Variants in PRPSAP2 observed in about 807,000 individuals in gnomAD.
PRPSAP2 encodes the protein phosphoribosyl pyrophosphate synthase-associated protein 2.
In PRPSAP2, 24 loss-of-function variants were observed where a neutral mutation model predicts 40.6. The ratio of observed to expected loss-of-function variants is 0.59; its 90% CI spans 0.43 to 0.83. PRPSAP2 has a LOEUF of 0.83. Ranked by LOEUF, PRPSAP2 falls within the 40% of genes least tolerant of loss-of-function variation. The pLI, the probability that PRPSAP2 is intolerant of heterozygous loss-of-function variation, is 0.00. For missense variants in PRPSAP2, 292 were observed against 465.6 expected (o/e 0.63, Z 3.43); for synonymous variants, 149 against 164.7 (o/e 0.90, Z 0.73).
Position 18,869,865 on chromosome 17 carries a change from T to A in PRPSAP2, c.172+2531T>A, listed in dbSNP as rs183618554. ...TTTTGTGTGTGTGTGTGTGTGTGTGTGAGACAGAGTCTTGCTCCATTGCCC... is the reference window on the plus strand; with the variant it reads ...TTTTGTGTGTGTGTGTGTGTGTGTGAGAGACAGAGTCTTGCTCCATTGCCC... On this transcript the variant is annotated intron_variant, in intron 4 of 11. Coordinates refer to ENST00000268835, the MANE Select transcript of PRPSAP2 (RefSeq NM_002767.4). Among the ~76,000 whole-genome samples the A allele has an allele frequency of 2.9e-4, 43 of 147,752 alleles. 1 individual carries two copies. The highest frequency in any genetic ancestry group is 3.3e-4 in the Non-Finnish European group (22 of 67,112).
At chr17:18,929,146 C>A (rs965720058) in intron 11 of PRPSAP2, among the ~76,000 whole-genome samples, 189 bp downstream of exon 11, 1 of 152,092 alleles carries the variant, frequency 6.6e-6, no homozygotes, top group Non-Finnish European at 1.5e-5. Flanking sequence ...TACCTGAGGT[C>A]AGGAGTTGGA....
intron 9 of PRPSAP2, chr17:18,917,605 T>TTTTTTTTTTTTTTTTTTTTA (rs2041441127): frequency 8.7e-6 from 1 of 115,180 alleles, no homozygotes; most frequent in Non-Finnish European, 1.8e-5. Context: ...TTTTTTTTTT[T>TTTTTTTTTTTTTTTTTTTTA]TTTTTTTTTT....
At chr17:18,881,299 G>A (rs891407944) in intron 6 of PRPSAP2, among the ~76,000 whole-genome samples, 1 of 150,884 alleles carries the variant, frequency 6.6e-6, no homozygotes, top group Non-Finnish European at 1.5e-5. Context: ...GAAGTGGTGC[G>A]ATCTCGGCTC....
intron 8 of PRPSAP2, among the ~76,000 whole-genome samples, chr17:18,903,330 T>TGAAC (rs2040396256): frequency 6.6e-6 from 1 of 151,488 alleles, no homozygotes; most frequent in Admixed American, 6.6e-5. Context: ...AATGAATGAA[T>TGAAC]GAACGTGTGT....
upstream of PRPSAP2, among the ~76,000 whole-genome samples, chr17:18,856,938 G>A (rs1371708238): frequency 6.6e-6 from 1 of 152,106 alleles, no homozygotes; most frequent in Non-Finnish European, 1.5e-5. Context: ...ATACAATAAA[G>A]AGTAAACATT....
chr17:18,918,189 G>A (rs1164781523), intron 9 of PRPSAP2, among the ~76,000 whole-genome samples: 1 of 152,166 alleles, frequency 6.6e-6, no homozygotes, highest in Non-Finnish European at 1.5e-5. Context: ...ATCTGGGCAG[G>A]GGTTAAATCT....
intron 8 of PRPSAP2, among the ~76,000 whole-genome samples, chr17:18,903,222 G>GTTCAAGAACAGCCTGGGC (rs2040388180): frequency 8.6e-5 from 13 of 151,878 alleles, no homozygotes; most frequent in African/African-American, 2.9e-4. Context: ...GAGGTCAGGA[G>GTTCAAGAACAGCCTGGGC]AATTGCTTGA....
rs2042222232 is a variant in PRPSAP2, at chr17:18,930,896, A to C, written c.*198A>C. 1 of 405,450 alleles carries C rather than the reference A, an allele frequency of 2.5e-6. No homozygotes were observed. Among genetic ancestry groups the C allele is most frequent in the Admixed American group, 4.2e-5 (1 of 23,798 alleles). 25.1% of individuals were successfully genotyped at this position (405,450 alleles called of 1,614,324 possible). A position where few individuals can be genotyped will look rare whatever the true frequency, so the allele number is the denominator to read the frequency against. On this transcript the variant is annotated 3_prime_UTR_variant, in exon 12 of 12. Coordinates refer to ENST00000268835, the MANE Select transcript of PRPSAP2 (RefSeq NM_002767.4). ...GAGTTTGGGGAGCAATTTTTATAAA[A>C]GAAAAACTTTATTCTCCTCTTTTGA...
chr17:18,895,911 G>C (rs948251630), intron 8 of PRPSAP2, among the ~76,000 whole-genome samples: 7 of 152,000 alleles, frequency 4.6e-5, no homozygotes, highest in South Asian at 2.1e-4. Flanking sequence ...ACAGGTGTGA[G>C]CCACCATGCC....
At chr17:18,900,928 T>A (rs1413028531) in intron 8 of PRPSAP2, among the ~76,000 whole-genome samples, 1 of 152,108 alleles carries the variant, frequency 6.6e-6, no homozygotes, top group Non-Finnish European at 1.5e-5. Flanking sequence ...CACTCTCCAC[T>A]GACTCTGGCA....
At chr17:18,866,023 AG>A in intron 3 of PRPSAP2, 71 bp downstream of exon 3, 1 of 1,126,000 alleles carries the variant, frequency 8.9e-7, no homozygotes, top group Non-Finnish European at 1.2e-6. Flanking sequence ...TCAGATTAGC[AG>A]TTATTGTTAA....
intron 4 of PRPSAP2, among the ~76,000 whole-genome samples, chr17:18,870,424 A>G (rs2037774741): frequency 6.6e-6 from 1 of 152,166 alleles, no homozygotes; most frequent in Non-Finnish European, 1.5e-5. Flanking sequence ...TGTAAGTTGC[A>G]GACAGTTAAT....
At chr17:18,886,977 C>T (rs1236269328) in intron 7 of PRPSAP2, among the ~76,000 whole-genome samples, 2 of 109,806 alleles carry the variant, frequency 1.8e-5, no homozygotes, top group East Asian at 4.7e-4. Flanking sequence ...GCTCTTGTTG[C>T]CCAGGCTGGA....
At chr17:18,918,914 T>C (rs1288089807) in intron 9 of PRPSAP2, among the ~76,000 whole-genome samples, 1 of 152,254 alleles carries the variant, frequency 6.6e-6, no homozygotes. Context: ...AAACATGTTA[T>C]TAAAATTAAT....
chr17:18,876,366 C>CT (rs952394812), intron 5 of PRPSAP2, among the ~76,000 whole-genome samples: 12 of 151,506 alleles, frequency 7.9e-5, no homozygotes, highest in South Asian at 2.1e-4. Context: ...TTCTGAAAAT[C>CT]TTTTTTTTTC....
chr17:18,915,722 C>CGA (rs2041266876), intron 9 of PRPSAP2, among the ~76,000 whole-genome samples: 1 of 152,158 alleles, frequency 6.6e-6, no homozygotes, highest in African/African-American at 2.4e-5. Flanking sequence ...AACTCACTCA[C>CGA]CCCCATAGGA....
In PRPSAP2 at chr17:18,923,814, T is replaced by C. The variant is rs1483358489; in HGVS notation, c.734-100T>C. The C allele has an allele frequency of 4.7e-6, 5 of 1,053,130 alleles. No homozygotes were observed. The African/African-American group carries it at 6.4e-5, about 14-fold the overall frequency. 65.2% of individuals were successfully genotyped at this position (1,053,130 alleles called of 1,614,324 possible). A position where few individuals can be genotyped will look rare whatever the true frequency, so the allele number is the denominator to read the frequency against. ...GATTGAGGAAATTCCCTTGTATTCCTAGTTGGTTGAATGTTTTTATCTTGA... is the reference window on the plus strand; with the variant it reads ...GATTGAGGAAATTCCCTTGTATTCCCAGTTGGTTGAATGTTTTTATCTTGA... On this transcript the variant is annotated intron_variant, in intron 9 of 11. Transcript: ENST00000268835.
At position 18,865,787 on chromosome 17, in the gene PRPSAP2, A is replaced by G. The variant is rs1253234519; in HGVS notation, c.-32-15A>G. ...TATCATATGGCAGTTTTTAATAAGT[A>G]TTATATCCTTCTAGGCTCTGAAAAT... On this transcript the variant is annotated splice_polypyrimidine_tract_variant and intron_variant, in intron 2 of 11. Transcript: ENST00000268835. 1.4e-6 allele frequency: 2 copies of G among 1,391,092 alleles called. No individual in the cohort carries two copies. The allele number at this position is 1,391,092 out of a possible 1,614,324, so 86.2% of individuals were successfully genotyped here.
At chr17:18,908,715 A>G (rs1395372754) in intron 8 of PRPSAP2, 9 of 726,030 alleles carry the variant, frequency 1.2e-5, no homozygotes, top group Non-Finnish European at 2.3e-5. Context: ...ATGCACAGAA[A>G]TTCAAAACAA....
Sources: gnomAD v4.1 joint callset for allele counts (sites outside exome capture counted in the v4.1 genomes callset) on GRCh38, gnomAD v4.1.1 for gene constraint, MANE v1.5 for transcripts, NCBI Gene and HGNC (gene_info 2026-07-23, HGNC 2026-07-21) for gene names.